The following RBM20 variants were observed in gnomAD, a reference collection of about 807,000 sequenced individuals.
RBM20 encodes RNA-binding protein 20.
RBM20 carries 51 observed loss-of-function variants against 110.1 expected under a neutral mutation model. The observed-to-expected ratio is 0.46, with a 90% CI of 0.37 to 0.59. RBM20 has a LOEUF of 0.59. Among genes scored for constraint, RBM20 ranks in the 20% least tolerant of loss-of-function variants. The pLI is 0.00. For synonymous variants in RBM20, 589 were observed against 618.2 expected (o/e 0.95, Z 0.70); for missense variants, 1,512 against 1,574.9 (o/e 0.96, Z 0.68).
At chr10:110,809,092 T>C (rs1447606146) in intron 7 of RBM20, among the ~76,000 whole-genome samples, 2 of 151,932 alleles carry the variant, frequency 1.3e-5, no homozygotes, top group Non-Finnish European at 2.9e-5. Flanking sequence ...GGTGAGCCCC[T>C]GTAGTCCCAA....
chr10:110,830,604 T>C (rs1211696266), intron 12 of RBM20, among the ~76,000 whole-genome samples: 1 of 151,100 alleles, frequency 6.6e-6, no homozygotes, highest in Non-Finnish European at 1.5e-5. Flanking sequence ...CTTTTTTTTC[T>C]GTAAAGAACA....
intron 1 of RBM20, among the ~76,000 whole-genome samples, chr10:110,648,611 G>C (rs1330097781): frequency 6.6e-6 from 1 of 151,978 alleles, no homozygotes; most frequent in Non-Finnish European, 1.5e-5. Context: ...CTTGTAGAAG[G>C]AATTTTGAAA....
intron 1 of RBM20, among the ~76,000 whole-genome samples, chr10:110,720,472 T>C (rs897670666): frequency 6.6e-6 from 1 of 152,206 alleles, no homozygotes; most frequent in Non-Finnish European, 1.5e-5. Flanking sequence ...GCCAGAAGTC[T>C]TGGCATCATC....
In RBM20 at chr10:110,783,411, C is replaced by G; in HGVS notation, c.1321C>G (p.Leu441Val). The change falls in exon 3 of 14, where the codon CTG becomes GTG. Residue 441 changes from leucine to valine, a missense_variant. By Grantham distance (32) the Leu-to-Val change is conservative. Coordinates refer to ENST00000369519, the MANE Select transcript of RBM20 (RefSeq NM_001134363.3). ...AGGGAAGCTGCACGCTCAGAAATGCCTGGTCTTCTCTGAAAAGTAAGTGCT... is the reference window on the plus strand; with the variant it reads ...AGGGAAGCTGCACGCTCAGAAATGCGTGGTCTTCTCTGAAAAGTAAGTGCT... ...VKGKLHAQKC[L>V]VFSENAGIRC... is the part of the protein sequence containing the mutation. 1 of 1,551,122 alleles carries G rather than the reference C, an allele frequency of 6.4e-7. No homozygotes were observed. Among genetic ancestry groups the G allele is most frequent in the African/African-American group, 1.4e-5 (1 of 73,140 alleles).
chr10:110,735,123 A>G (rs556173686), intron 1 of RBM20, among the ~76,000 whole-genome samples: 1 of 152,362 alleles, frequency 6.6e-6, no homozygotes, highest in South Asian at 2.1e-4. Context: ...ATCCCAAAGC[A>G]TAAGAGTAGT....
In RBM20 at chr10:110,687,995, T is replaced by TTGTGTGTGTGTGTG. The variant is rs60479740; in HGVS notation, c.191+43378_191+43391dup. Among the ~76,000 whole-genome samples, 308 of 145,468 alleles carry TTGTGTGTGTGTGTG rather than the reference T, an allele frequency of 2.1e-3. 2 individuals are homozygous for TTGTGTGTGTGTGTG. Among genetic ancestry groups the TTGTGTGTGTGTGTG allele is most frequent in the African/African-American group, 7.3e-3 (287 of 39,486 alleles). ...TCATGAGTGCTACTCCTAAATGGTT[T>TTGTGTGTGTGTGTG]TGTGTGTGTGTGTGTGTGTGTGTGT... On this transcript the variant is annotated intron_variant, in intron 1 of 13. Transcript: ENST00000369519.
intron 1 of RBM20, among the ~76,000 whole-genome samples, chr10:110,748,635 G>C (rs74470621): frequency 6.6e-6 from 1 of 152,080 alleles, no homozygotes; most frequent in African/African-American, 2.4e-5. Flanking sequence ...TCACACTTAC[G>C]AGTTGTTGTG....
chr10:110,794,904 A>G (rs1016228385), intron 5 of RBM20, among the ~76,000 whole-genome samples: 1 of 152,202 alleles, frequency 6.6e-6, no homozygotes, highest in Non-Finnish European at 1.5e-5. Context: ...CTATGTTCCA[A>G]TAAAAGCCTC....
At chr10:110,664,303 C>A (rs1029113494) in intron 1 of RBM20, among the ~76,000 whole-genome samples, 1 of 152,290 alleles carries the variant, frequency 6.6e-6, no homozygotes, top group East Asian at 1.9e-4. Flanking sequence ...CTATCAAAGA[C>A]CACGGTGTCC....
At position 110,685,137 on chromosome 10, in the gene RBM20, C is replaced by T. The variant is rs143490935; in HGVS notation, c.191+40492C>T. Among the ~76,000 whole-genome samples the T allele has an allele frequency of 4.8e-3, 736 of 152,320 alleles. 10 individuals are homozygous for T. The highest frequency in any genetic ancestry group is 0.017 in the African/African-American group (697 of 41,568). ...CCTTCCTGGGGTTTGTGGTCGCTGC[C>T]GAGGATCAGCACTTTCACACGCGAC... On this transcript the variant is annotated intron_variant, in intron 1 of 13. Coordinates refer to ENST00000369519, the MANE Select transcript of RBM20 (RefSeq NM_001134363.3).
At chr10:110,706,270 T>C (rs912983729) in intron 1 of RBM20, among the ~76,000 whole-genome samples, 3 of 152,130 alleles carry the variant, frequency 2.0e-5, no homozygotes, top group Non-Finnish European at 2.9e-5. Context: ...ATCTGCAAAA[T>C]GGTAAAGCTT....
At chr10:110,718,228 T>G (rs536040557) in intron 1 of RBM20, among the ~76,000 whole-genome samples, 1 of 152,346 alleles carries the variant, frequency 6.6e-6, no homozygotes, top group South Asian at 2.1e-4. Context: ...TAAAAGAGTT[T>G]GAATACAAAT....
chr10:110,815,322 T>C (rs1038701875), intron 9 of RBM20, among the ~76,000 whole-genome samples: 2 of 152,200 alleles, frequency 1.3e-5, no homozygotes, highest in African/African-American at 4.8e-5. Context: ...CACCCAGTAG[T>C]CTTTTTTTGC....
chr10:110,714,537 C>G (rs1339180656), intron 1 of RBM20, among the ~76,000 whole-genome samples: 1 of 152,192 alleles, frequency 6.6e-6, no homozygotes, highest in African/African-American at 2.4e-5. Context: ...ACAGCAGCAA[C>G]TTCTGCTTCT....
Position 110,678,177 on chromosome 10 carries a change from A to G in RBM20, c.191+33532A>G, listed in dbSNP as rs115146256. Among the ~76,000 whole-genome samples the G allele has an allele frequency of 2.9e-3, 439 of 152,360 alleles. 3 individuals carry two copies. The highest frequency in any genetic ancestry group is 0.01 in the African/African-American group (417 of 41,590). On this transcript the variant is annotated intron_variant, in intron 1 of 13. Coordinates refer to ENST00000369519, the MANE Select transcript of RBM20 (RefSeq NM_001134363.3). ...TATCTTTCTTATAGACAATGTGGGGAAATAGAGCTATGGGAGTACTCAAAA... is the reference window on the plus strand; with the variant it reads ...TATCTTTCTTATAGACAATGTGGGGGAATAGAGCTATGGGAGTACTCAAAA...
intron 7 of RBM20, among the ~76,000 whole-genome samples, chr10:110,802,498 G>A (rs959024025): frequency 6.6e-6 from 1 of 151,958 alleles, no homozygotes; most frequent in African/African-American, 2.4e-5. Flanking sequence ...TTCCCTGGGG[G>A]CTGGAATTGA....
At chr10:110,731,845 C>CT (rs1275263360) in intron 1 of RBM20, among the ~76,000 whole-genome samples, 5 of 152,124 alleles carry the variant, frequency 3.3e-5, no homozygotes, top group African/African-American at 1.2e-4. Context: ...GCAAAATGTC[C>CT]TTTTTTGTGT....
chr10:110,713,919 T>C (rs1485696253), intron 1 of RBM20, among the ~76,000 whole-genome samples: 1 of 152,158 alleles, frequency 6.6e-6, no homozygotes. Context: ...CAGTAAGAAA[T>C]ACTTCATTGT....
intron 7 of RBM20, among the ~76,000 whole-genome samples, chr10:110,807,655 C>T (rs761780771): frequency 1.1e-4 from 17 of 152,328 alleles, no homozygotes; most frequent in Non-Finnish European, 1.6e-4. Context: ...AAACCTCAGC[C>T]GCTCCCTGCC....
Sources: allele counts gnomAD v4.1 joint callset (sites outside exome capture counted in the v4.1 genomes callset), GRCh38; gene constraint gnomAD v4.1.1; transcripts MANE v1.5; gene names NCBI Gene and HGNC (gene_info 2026-07-23, HGNC 2026-07-21).